PTCH1: variants seen among roughly 807,000 people sequenced by gnomAD.
PTCH1 encodes protein patched homolog 1.
PTCH1 carries 14 observed loss-of-function variants against 144.6 expected under a neutral mutation model. The observed-to-expected ratio is 0.10, with a 90% CI of 0.06 to 0.15. The LOEUF (loss-of-function observed/expected upper bound fraction) is 0.15, where lower values mean the gene tolerates loss of function less well. Ranked by LOEUF, PTCH1 falls within the 10% of genes least tolerant of loss-of-function variation. The pLI is 1.00. For synonymous variants in PTCH1, 833 were observed against 793.6 expected, an observed-to-expected ratio of 1.05 and a Z score of -0.83; for missense variants, 1,623 against 1,948.3, an observed-to-expected ratio of 0.83 and a Z score of 3.14.
chr9:95,506,768 T>G, intron 1 of PTCH1, 169 bp from the exon 2 acceptor site: 1 of 1,054,732 alleles, frequency 9.5e-7, no homozygotes, highest in Non-Finnish European at 1.2e-6. Context: ...CTGAGCGTCA[T>G]GGGGGGCTCG....
chr9:95,451,451 AC>A (rs1002472949), intron 20 of PTCH1: 2 of 152,220 alleles, frequency 1.3e-5, no homozygotes, highest in African/African-American at 2.4e-5. Flanking sequence ...CTGGGCGGGA[AC>A]AACCCCGGCT....
In PTCH1 at chr9:95,508,533, G is replaced by C. The variant is rs1843938351; in HGVS notation, c.-172C>G. The stretch of plus-strand genomic sequence containing the variant: ...GGTTGACAGACCAGCCGCTGCTGCT[G>C]CTCACACGGCGGGCGCTGCTGCCGC... On this transcript the variant is annotated 5_prime_UTR_variant, in exon 1 of 24. Transcript: ENST00000331920. The C allele has an allele frequency of 4.0e-6, 4 of 1,012,224 alleles. No homozygotes were observed. The highest frequency in any genetic ancestry group is 3.5e-6 in the Non-Finnish European group (3 of 847,482). 62.7% of individuals were successfully genotyped at this position (1,012,224 alleles called of 1,614,324 possible). A position where few individuals can be genotyped will look rare whatever the true frequency, so the allele number is the denominator to read the frequency against.
rs1366357244 is a variant in PTCH1 at position 95,508,722 on chromosome 9, C to A, written c.-361G>T. ...GTCCTTCGGGCGCTTCCGCGGCACT[C>A]CTTGCGGTCCCCAACTCCCCCTACC... On this transcript the variant is annotated 5_prime_UTR_variant, in exon 1 of 24. Transcript: ENST00000331920. 4.1e-6 allele frequency: 4 copies of A among 986,536 alleles called. No individual in the cohort carries two copies. In the African/African-American group the frequency reaches 7.0e-5, roughly 17 times the overall value. 61.1% of individuals were successfully genotyped at this position (986,536 alleles called of 1,614,324 possible).
At chr9:95,469,685 C>G (rs1349497958) in intron 13 of PTCH1, 128 bp downstream of exon 13, 1 of 949,190 alleles carries the variant, frequency 1.1e-6, no homozygotes, top group Non-Finnish European at 1.7e-6. Context: ...TCCAATCTCT[C>G]CCCTACGTTC....
Position 95,444,609 on chromosome 9 carries a change from G to A in PTCH1, c.*1784C>T, listed in dbSNP as rs898837164. 6.6e-6 allele frequency: 1 copy of A among 152,220 alleles called. No homozygotes were observed. The highest frequency in any genetic ancestry group is 2.4e-5 in the African/African-American group (1 of 41,400). The allele number at this position is 152,220 out of a possible 1,614,324, so 9.4% of individuals were successfully genotyped here. A position where few individuals can be genotyped will look rare whatever the true frequency, so the allele number is the denominator to read the frequency against. On this transcript the variant is annotated 3_prime_UTR_variant, in exon 24 of 24. Coordinates refer to ENST00000331920, the MANE Select transcript of PTCH1 (RefSeq NM_000264.5). ...AGGGTCTGAGGTCACTATGCTGTGGGTATTTCTGGGGGCCCATTACCTTTC... is the reference window on the plus strand; with the variant it reads ...AGGGTCTGAGGTCACTATGCTGTGGATATTTCTGGGGGCCCATTACCTTTC...
rs558097266 is a variant in PTCH1, at chr9:95,453,410, G to A, written c.3449+68C>T. On this transcript the variant is annotated intron_variant, in intron 20 of 23. Coordinates refer to ENST00000331920, the MANE Select transcript of PTCH1 (RefSeq NM_000264.5). Reference sequence around the variant, plus strand: ...CTCCTAAAGTGCTGGGATTACAGGCGTGAGCCACTGCACCCGGCCCAATCA... The same window carrying A: ...CTCCTAAAGTGCTGGGATTACAGGCATGAGCCACTGCACCCGGCCCAATCA... 269 of 1,605,572 alleles carry A rather than the reference G, an allele frequency of 1.7e-4. 1 individual carries two copies. In the South Asian group the frequency reaches 2.7e-3, roughly 16 times the overall value.
Position 95,447,208 on chromosome 9 carries a change from G to C in PTCH1, c.4048C>G (p.Arg1350Gly), listed in dbSNP as rs140417636. 1 of 1,612,978 alleles carries C rather than the reference G, an allele frequency of 6.2e-7. No individual in the cohort carries two copies. The highest frequency in any genetic ancestry group is 2.2e-5 in the East Asian group (1 of 44,862). ...GPRGARSHNP[R>G]NPASTAMGSS... is the part of the protein sequence containing the mutation. ...CCCATGGCAGTGGACGCTGGGTTCCGAGGGTTGTGAGAACGGGCCCCGCGA... is the reference window on the plus strand; with the variant it reads ...CCCATGGCAGTGGACGCTGGGTTCCCAGGGTTGTGAGAACGGGCCCCGCGA... Residue 1350 changes from arginine to glycine, a missense_variant, in exon 23 of 24, where the codon CGG becomes GGG. Arg to Gly is a moderately radical substitution (Grantham distance 125, BLOSUM62 -2). This residue lies in a region of PTCH1 where 291 missense variants were observed against 287.4 expected (regional missense o/e 1.01). Transcript: ENST00000331920.
At chr9:95,506,802 G>C (rs1224481094) in intron 1 of PTCH1, 1 of 1,105,786 alleles carries the variant, frequency 9.0e-7, no homozygotes, top group Non-Finnish European at 1.1e-6. Context: ...GCCGCAGCGT[G>C]GGAGCTGCAC....
At chr9:95,453,743 G>A (rs1588529254) in intron 19 of PTCH1, 123 bp from the exon 20 acceptor site, 1 of 1,352,296 alleles carries the variant, frequency 7.4e-7, no homozygotes. Flanking sequence ...TTGCTAGAAT[G>A]TGTAATCAGA....
rs760297274 is a variant in PTCH1 at position 95,458,227 on chromosome 9, G to A, written c.2954C>T (p.Ser985Leu). ...TTTTTCAATTGCCTCCACAAAGTCT[G>A]AGGTGTCCCGCAAGCCGTTGAGGTA... ...PFYLNGLRDT[S>L]DFVEAIEKVR... Residue 985 changes from serine (S) to leucine (L), a missense_variant, in exon 18 of 24, where the codon TCA (serine) becomes TTA (leucine). Around this residue, in one of 7 missense-constraint regions of PTCH1, gnomAD observed 504 missense variants for 679.3 expected, o/e 0.74. Transcript: ENST00000331920. This position sits in a 1 kb window ranked among gnomAD's most constrained non-coding sequence, Gnocchi z 4.7. 5 of 1,614,106 alleles carry A rather than the reference G, an allele frequency of 3.1e-6. No homozygotes were observed. The highest frequency in any genetic ancestry group is 4.2e-6 in the Non-Finnish European group (5 of 1,180,030).
rs915140391 is a variant in PTCH1, at chr9:95,458,473, T to C, written c.2888-180A>G. ...ACGATCTTCCCATTTGGTTTAAAAA[T>C]GTTTAACTCTGTGATGTGTGTATTT... On this transcript the variant is annotated intron_variant, in intron 17 of 23. Transcript: ENST00000331920. This position sits in a 1 kb window ranked among gnomAD's most constrained non-coding sequence, Gnocchi z 4.7. Among the ~76,000 whole-genome samples, 1 of 152,260 alleles carries C rather than the reference T, an allele frequency of 6.6e-6. No homozygotes were observed. The highest frequency in any genetic ancestry group is 2.4e-5 in the African/African-American group (1 of 41,478).
In PTCH1 at chr9:95,444,456, G is replaced by T. The variant is rs973743472; in HGVS notation, c.*1937C>A. The T allele has an allele frequency of 2.0e-5, 3 of 153,588 alleles. No individual in the cohort carries two copies. The highest frequency in any genetic ancestry group is 4.8e-5 in the African/African-American group (2 of 41,388). The allele number at this position is 153,588 out of a possible 1,614,324, so 9.5% of individuals were successfully genotyped here. A position where few individuals can be genotyped will look rare whatever the true frequency, so the allele number is the denominator to read the frequency against. On this transcript the variant is annotated 3_prime_UTR_variant, in exon 24 of 24. Coordinates refer to ENST00000331920, the MANE Select transcript of PTCH1 (RefSeq NM_000264.5). Reference sequence around the variant, plus strand: ...CATGTGGGTGACAGGCACCAAGACAGCAGCAGGGGGGTGGCCAGGGTCCCC... The same window carrying T: ...CATGTGGGTGACAGGCACCAAGACATCAGCAGGGGGGTGGCCAGGGTCCCC...
At chr9:95,495,377 G>A (rs1246747855) in intron 2 of PTCH1, 1 of 151,858 alleles carries the variant, frequency 6.6e-6, no homozygotes, top group Non-Finnish European at 1.5e-5. Context: ...GCATTTCAAA[G>A]TATGTGAGCC....
chr9:95,477,427 A>G lies in PTCH1; in HGVS notation c.1503+120T>C, dbSNP rs1391209271. 16 of 1,368,864 alleles carry G rather than the reference A, an allele frequency of 1.2e-5. No homozygotes were observed. In the Admixed American group the frequency reaches 2.4e-4, roughly 20 times the overall value. 84.8% of individuals were successfully genotyped at this position (1,368,864 alleles called of 1,614,324 possible). ...CCTGAAACCAGTAGCATCCTAGTGG[A>G]AAAGGCTGCAAGACCCTTCCGGTGA... On this transcript the variant is annotated intron_variant, in intron 10 of 23. Transcript: ENST00000331920.
At chr9:95,466,306 CA>C (rs1306477989) in intron 15 of PTCH1, among the ~76,000 whole-genome samples, 1 of 152,158 alleles carries the variant, frequency 6.6e-6, no homozygotes, top group Non-Finnish European at 1.5e-5. Context: ...CTTGGCATCC[CA>C]AAGTGCTGGG....
At position 95,469,099 on chromosome 9, in the gene PTCH1, G is replaced by A. The variant is rs761015917; in HGVS notation, c.1902C>T (p.His634=). 12 of 1,613,950 alleles carry A rather than the reference G, an allele frequency of 7.4e-6. No homozygotes were observed. Among genetic ancestry groups the A allele is most frequent in the Middle Eastern group, 1.6e-4 (1 of 6,084 alleles). ...GTGGGGGGCTGTAGCGGGTATTGTC[G>A]TGTGTGTCGGTGTAGGCCTGAGGTT... The part of the protein sequence containing the change: ...QVEPQAYTDT[H]DNTRYSPPPP... Residue 634 remains histidine, a synonymous_variant, in exon 14 of 24, where the codon CAC becomes CAT. Transcript: ENST00000331920.
rs185294492 is a variant in PTCH1 at position 95,489,539 on chromosome 9, C to T, written c.395-3665G>A. The stretch of plus-strand genomic sequence containing the variant: ...AACTTTTCATTTTTTTGGGTAGATA[C>T]GGGGGCCTCACTATGTTGCCCAAGC... On this transcript the variant is annotated intron_variant, in intron 2 of 23. Coordinates refer to ENST00000331920, the MANE Select transcript of PTCH1 (RefSeq NM_000264.5). Among the ~76,000 whole-genome samples, 427 of 152,154 alleles carry T rather than the reference C, an allele frequency of 2.8e-3. 2 individuals are homozygous for T. Among genetic ancestry groups the T allele is most frequent in the African/African-American group, 9.6e-3 (398 of 41,502 alleles).
At position 95,478,994 on chromosome 9, in the gene PTCH1, G is replaced by C. The variant is rs1371005350; in HGVS notation, c.1215+6C>G. 2 of 1,614,204 alleles carry C rather than the reference G, an allele frequency of 1.2e-6. No individual in the cohort carries two copies. The highest frequency in any genetic ancestry group is 1.7e-6 in the Non-Finnish European group (2 of 1,180,048). On this transcript the variant is annotated splice_donor_region_variant and intron_variant, in intron 8 of 23. Transcript: ENST00000331920. ...AGTCTGCACGCCGATTCGAAGGTGG[G>C]TTTACCTCCACATATGTCCTCTGCC...
intron 10 of PTCH1, 122 bp downstream of exon 10, chr9:95,477,425 G>A (rs1841136678): frequency 1.5e-6 from 2 of 1,346,974 alleles, no homozygotes; most frequent in Admixed American, 1.7e-5. Context: ...GCATCCTAGT[G>A]GAAAAGGCTG....
Sources: gnomAD v4.1 joint callset for allele counts (sites outside exome capture counted in the v4.1 genomes callset) on GRCh38, gnomAD v4.1.1 for gene constraint, gnomAD v4.1.1 regional missense constraint, Gnocchi (gnomAD v3.1) non-coding constraint, MANE v1.5 for transcripts, NCBI Gene and HGNC (gene_info 2026-07-23, HGNC 2026-07-21) for gene names.